The following MYO5B variants were observed in gnomAD, a reference collection of about 807,000 sequenced individuals.
MYO5B encodes the protein unconventional myosin-Vb.
A neutral mutation model predicts 229.3 loss-of-function variants in MYO5B; 143 were observed. The ratio of observed to expected loss-of-function variants is 0.62; its 90% CI spans 0.54 to 0.72. The LOEUF (loss-of-function observed/expected upper bound fraction) is 0.72. Among genes scored for constraint, MYO5B ranks in the 30% least tolerant of loss-of-function variants. The pLI is 0.00. For synonymous variants in MYO5B, 918 were observed against 885.2 expected, an observed-to-expected ratio of 1.04 and a Z score of -0.66; for missense variants, 2,321 against 2,331.0, an observed-to-expected ratio of 1.00 and a Z score of 0.09.
At chr18:50,049,371 G>T (rs1238006701) in intron 2 of MYO5B, among the ~76,000 whole-genome samples, 8 of 152,164 alleles carry the variant, frequency 5.3e-5, no homozygotes, top group Admixed American at 5.2e-4. Flanking sequence ...AAACTGCCTG[G>T]TCAACACAAT....
intron 8 of MYO5B, among the ~76,000 whole-genome samples, chr18:49,981,191 AG>A (rs1265088416): frequency 6.6e-6 from 1 of 152,360 alleles, no homozygotes; most frequent in Non-Finnish European, 1.5e-5. Context: ...GAATCATCAA[AG>A]GCATGGATAA....
intron 22 of MYO5B, among the ~76,000 whole-genome samples, chr18:49,892,247 G>T (rs1787618): frequency 6.6e-6 from 1 of 152,072 alleles, no homozygotes; most frequent in African/African-American, 2.4e-5. Context: ...GGACTACCCC[G>T]TGGAAGCGCC....
intron 9 of MYO5B, among the ~76,000 whole-genome samples, chr18:49,978,762 AGAG>A (rs1344674945): frequency 6.6e-6 from 1 of 151,314 alleles, no homozygotes; most frequent in African/African-American, 2.4e-5. Flanking sequence ...TCAGCCCCAC[AGAG>A]GAGAGGTAAG....
chr18:50,020,956 C>T (rs1033775756), intron 4 of MYO5B, among the ~76,000 whole-genome samples: 1 of 152,218 alleles, frequency 6.6e-6, no homozygotes, highest in African/African-American at 2.4e-5. Flanking sequence ...AATTGATACA[C>T]AGGGCATTCC....
intron 5 of MYO5B, among the ~76,000 whole-genome samples, chr18:50,000,528 G>C (rs1167140932): frequency 6.6e-6 from 1 of 152,198 alleles, no homozygotes; most frequent in African/African-American, 2.4e-5. Context: ...CCATCAAAAT[G>C]AAGGTTTCAT....
At chr18:50,032,493 G>A (rs1468885931) in intron 4 of MYO5B, among the ~76,000 whole-genome samples, 1 of 152,104 alleles carries the variant, frequency 6.6e-6, no homozygotes, top group Admixed American at 6.5e-5. Context: ...TGGCTTCTTT[G>A]ATTTAGCATA....
intron 1 of MYO5B, among the ~76,000 whole-genome samples, chr18:50,149,413 C>T (rs1422609875): frequency 3.3e-5 from 5 of 152,020 alleles, no homozygotes. Flanking sequence ...CTGGAGGCAT[C>T]ATGCTACCTG....
intron 22 of MYO5B, among the ~76,000 whole-genome samples, chr18:49,885,743 T>C (rs2024635307): frequency 2.0e-5 from 3 of 152,052 alleles, no homozygotes; most frequent in African/African-American, 4.8e-5. Flanking sequence ...GAGCTAAGGA[T>C]TGGGGTCACT....
At chr18:49,974,798 G>GACACACAGACACACAC (rs1460518712) in intron 9 of MYO5B, among the ~76,000 whole-genome samples, 183 bp from the exon 10 acceptor site, 48 of 130,996 alleles carry the variant, frequency 3.7e-4, no homozygotes, top group Non-Finnish European at 6.5e-4. Context: ...CACACACACA[G>GACACACAGACACACAC]ACACACACAC....
At chr18:49,926,433 C>G (rs2025129120) in intron 17 of MYO5B, among the ~76,000 whole-genome samples, 2 of 152,326 alleles carry the variant, frequency 1.3e-5, no homozygotes, top group South Asian at 2.1e-4. Context: ...TGGTTCCTTC[C>G]ACCTTCTGAT....
chr18:50,077,177 A>T (rs1200217552), intron 1 of MYO5B, among the ~76,000 whole-genome samples: 2 of 149,628 alleles, frequency 1.3e-5, no homozygotes, highest in African/African-American at 2.4e-5. Flanking sequence ...GTAAAAAAAA[A>T]AAAAAAAAAA....
intron 1 of MYO5B, among the ~76,000 whole-genome samples, chr18:50,149,919 T>C (rs943440187): frequency 6.9e-6 from 1 of 144,028 alleles, no homozygotes; most frequent in Non-Finnish European, 1.5e-5. Flanking sequence ...GAGAAAATTT[T>C]CACAACCTAC....
Position 50,084,393 on chromosome 18 carries a change from A to G in MYO5B, c.28-29015T>C, listed in dbSNP as rs571036439. 1.2e-4 allele frequency among the ~76,000 whole-genome samples: 19 copies of G among 152,300 alleles called. No individual in the cohort carries two copies. The South Asian group carries it at 3.9e-3, about 32-fold the overall frequency. On this transcript the variant is annotated intron_variant, in intron 1 of 39. Coordinates refer to ENST00000285039, the MANE Select transcript of MYO5B (RefSeq NM_001080467.3). ...CTTCTTCTGAATCTCTGGCACAAAA[A>G]TGGTTATCCAGTTTGGGCCTCAATA...
intron 1 of MYO5B, among the ~76,000 whole-genome samples, chr18:50,070,883 C>T (rs1016002279): frequency 5.3e-5 from 8 of 151,898 alleles, no homozygotes; most frequent in Non-Finnish European, 1.0e-4. Context: ...CATTCTGTCA[C>T]CCAGGTGGGA....
intron 1 of MYO5B, among the ~76,000 whole-genome samples, chr18:50,066,457 T>G (rs1463999929): frequency 4.6e-5 from 7 of 152,226 alleles, no homozygotes; most frequent in Admixed American, 3.9e-4. Context: ...CATGTCATCA[T>G]CAACCAGGTC....
chr18:49,849,427 C>T (rs1240458900), intron 32 of MYO5B, 140 bp downstream of exon 32: 5 of 773,258 alleles, frequency 6.5e-6, no homozygotes, highest in East Asian at 4.9e-5. Flanking sequence ...CAACTTCTAT[C>T]GCCTGGCTGG....
chr18:49,853,230 C>T (rs2024222300), intron 31 of MYO5B, among the ~76,000 whole-genome samples: 1 of 152,134 alleles, frequency 6.6e-6, no homozygotes, highest in Non-Finnish European at 1.5e-5. Flanking sequence ...GCAGGTGACG[C>T]CCCCCAGCCA....
intron 17 of MYO5B, among the ~76,000 whole-genome samples, chr18:49,920,920 A>G (rs1218211494): frequency 6.6e-6 from 1 of 152,180 alleles, no homozygotes; most frequent in African/African-American, 2.4e-5. Context: ...AGGAACGAAG[A>G]CAGATCTCAC....
intron 1 of MYO5B, among the ~76,000 whole-genome samples, chr18:50,114,863 G>GC (rs1015822398): frequency 6.6e-6 from 1 of 152,292 alleles, no homozygotes; most frequent in African/African-American, 2.4e-5. Flanking sequence ...AGGCAGTGCT[G>GC]CCCAAGACCT....
Sources: gnomAD v4.1 joint callset for allele counts (sites outside exome capture counted in the v4.1 genomes callset) on GRCh38, gnomAD v4.1.1 for gene constraint, MANE v1.5 for transcripts, NCBI Gene and HGNC (gene_info 2026-07-23, HGNC 2026-07-21) for gene names.